The following FAAH variants were observed in gnomAD, a reference collection of about 807,000 sequenced individuals.
FAAH encodes fatty-acid amide hydrolase 1.
A neutral mutation model predicts 69.7 loss-of-function variants in FAAH; 63 were observed. The observed-to-expected ratio is 0.90, with a 90% CI of 0.74 to 1.12. The LOEUF (loss-of-function observed/expected upper bound fraction) is 1.12. Among genes scored for constraint, FAAH ranks in the 50% most tolerant of loss-of-function variants. The probability of loss-of-function intolerance (pLI) is 0.00; values close to 1 mark genes in which losing one functional copy is unlikely to be tolerated. For synonymous variants in FAAH, 305 were observed against 324.2 expected (o/e 0.94, Z 0.64); for missense variants, 680 against 755.0 (o/e 0.90, Z 1.16).
intron 9 of FAAH, chr1:46,409,414 C>G (rs1263704039): frequency 3.6e-6 from 2 of 555,716 alleles, no homozygotes; most frequent in African/African-American, 3.9e-5. Flanking sequence ...GGTTGAGTAT[C>G]TGTGGCCTAC....
chr1:46,398,200 G>A (rs1353783978), intron 1 of FAAH, among the ~76,000 whole-genome samples: 1 of 152,214 alleles, frequency 6.6e-6, no homozygotes, highest in African/African-American at 2.4e-5. Context: ...TTCCCAAAGT[G>A]TTGGGATAAC....
rs1418600809 is a variant in FAAH, at chr1:46,412,199, G to A, written c.1413G>A (p.Leu471=). ...QWRALDLDVV[L]TPMLAPALDL... ...GGGCGCTGGACCTGGATGTGGTGCTGACCCCCATGCTGGCCCCTGCTCTGG... is the reference window on the plus strand; with the variant it reads ...GGGCGCTGGACCTGGATGTGGTGCTAACCCCCATGCTGGCCCCTGCTCTGG... Residue 471 remains leucine (L), a synonymous_variant, in exon 13 of 15, where the codon CTG becomes CTA. Transcript: ENST00000243167. The A allele has an allele frequency of 2.6e-6, 4 of 1,563,974 alleles. No homozygotes were observed. The East Asian group carries it at 7.2e-5, about 28-fold the overall frequency.
In FAAH at chr1:46,408,461, C is replaced by G. The variant is rs750300015; in HGVS notation, c.954C>G (p.Val318=). Residue 318 remains valine (V), a splice_region_variant and synonymous_variant, in exon 8 of 15, where the codon GTC becomes GTG. Coordinates refer to ENST00000243167, the MANE Select transcript of FAAH (RefSeq NM_001441.3). ...TGTCCCCTGTGTTTTCCCTCCAGGTCTACACCAGCTCTCAGCCCCTGCGTG... is the reference window on the plus strand; with the variant it reads ...TGTCCCCTGTGTTTTCCCTCCAGGTGTACACCAGCTCTCAGCCCCTGCGTG... ...TVPPLPFREE[V]YTSSQPLRVG... The G allele has an allele frequency of 6.2e-7, 1 of 1,614,162 alleles. No homozygotes were observed. The highest frequency in any genetic ancestry group is 8.5e-7 in the Non-Finnish European group (1 of 1,180,022).
chr1:46,408,661 A>T (rs1307890336), intron 8 of FAAH, 77 bp downstream of exon 8: 2 of 1,603,328 alleles, frequency 1.2e-6, no homozygotes, highest in Non-Finnish European at 1.7e-6. Flanking sequence ...TGGCTACTCC[A>T]TCCCTGGCAT....
intron 7 of FAAH, 26 bp downstream of exon 7, chr1:46,406,394 T>A: frequency 4.3e-6 from 7 of 1,613,492 alleles, no homozygotes; most frequent in Non-Finnish European, 5.1e-6. Context: ...TGGGCATGAA[T>A]GTGGACCGCT....
chr1:46,397,835 T>G (rs1326474777), intron 1 of FAAH, among the ~76,000 whole-genome samples: 1 of 152,068 alleles, frequency 6.6e-6, no homozygotes, highest in Non-Finnish European at 1.5e-5. Context: ...AGTGCTGGGA[T>G]TATAGGCATG....
chr1:46,399,065 C>A (rs1664651724), intron 1 of FAAH, among the ~76,000 whole-genome samples: 1 of 152,158 alleles, frequency 6.6e-6, no homozygotes, highest in African/African-American at 2.4e-5. Context: ...AATAGTATAG[C>A]TGGGAGAGAC....
In FAAH at chr1:46,409,305, A is replaced by C. The variant is rs568381079; in HGVS notation, c.1175+107A>C. On this transcript the variant is annotated intron_variant, in intron 9 of 14. Coordinates refer to ENST00000243167, the MANE Select transcript of FAAH (RefSeq NM_001441.3). ...TGGATGGGCCTTAGCTGAATCCAAC[A>C]AAGGCCTGAGCACTCTGGGCAGGGA... 3.8e-4 allele frequency: 334 copies of C among 880,836 alleles called. 3 individuals are homozygous for C. The African/African-American group carries it at 4.7e-3, about 12-fold the overall frequency. The allele number at this position is 880,836 out of a possible 1,614,324, so 54.6% of individuals were successfully genotyped here. A position where few individuals can be genotyped will look rare whatever the true frequency, so the allele number is the denominator to read the frequency against.
At chr1:46,409,941 C>T (rs45576239) in intron 9 of FAAH, 51 of 184,930 alleles carry the variant, frequency 2.8e-4, no homozygotes, top group South Asian at 1.7e-3. Context: ...AGGGGTCACT[C>T]CTCACTCTGG....
Position 46,411,603 on chromosome 1 carries a change from T to C in FAAH, c.1317-9T>C. On this transcript the variant is annotated splice_polypyrimidine_tract_variant and intron_variant, in intron 11 of 14. Transcript: ENST00000243167. The surrounding 1 kb of genome is among the most constrained non-coding windows in gnomAD (Gnocchi z 4.8). ...CATCATGGCTGGTGACCACACTCCT[T>C]CTGCCCAGTTCGGCTGGAAAACTCT... 6.2e-7 allele frequency: 1 copy of C among 1,613,958 alleles called. No individual in the cohort carries two copies. Among genetic ancestry groups the C allele is most frequent in the South Asian group, 1.1e-5 (1 of 91,030 alleles).
chr1:46,412,442 A>C (rs1664934465), intron 13 of FAAH, among the ~76,000 whole-genome samples, 191 bp downstream of exon 13: 2 of 152,164 alleles, frequency 1.3e-5, no homozygotes, highest in African/African-American at 4.8e-5. Context: ...AGCACTATTC[A>C]AGTTGGGGAT....
At chr1:46,399,144 T>C (rs1162330076) in intron 1 of FAAH, among the ~76,000 whole-genome samples, 1 of 152,220 alleles carries the variant, frequency 6.6e-6, no homozygotes, top group Non-Finnish European at 1.5e-5. Context: ...GAATGGTTTT[T>C]CCTACATCTC....
chr1:46,407,482 G>T (rs1664820174), intron 7 of FAAH, among the ~76,000 whole-genome samples: 1 of 152,132 alleles, frequency 6.6e-6, no homozygotes, highest in Admixed American at 6.5e-5. Context: ...TTATTTGGAG[G>T]AGGTGGGGGA....
rs1664909627 is a variant in FAAH at position 46,411,333 on chromosome 1, C to T, written c.1317-279C>T. ...CCTTACCACCAGGCTTCAGGACTGG[C>T]AGCAGCTATGGCCTCTCCCGTGTCC... On this transcript the variant is annotated intron_variant, in intron 11 of 14. Coordinates refer to ENST00000243167, the MANE Select transcript of FAAH (RefSeq NM_001441.3). The surrounding 1 kb of genome is among the most constrained non-coding windows in gnomAD (Gnocchi z 4.8). 6.6e-6 allele frequency among the ~76,000 whole-genome samples: 1 copy of T among 152,224 alleles called. No homozygotes were observed. The highest frequency in any genetic ancestry group is 2.4e-5 in the African/African-American group (1 of 41,456).
In FAAH at chr1:46,406,022, T is replaced by TA. The variant is rs749352378; in HGVS notation, c.786-15dup. 259 of 1,614,148 alleles carry TA rather than the reference T, an allele frequency of 1.6e-4. 3 individuals are homozygous for TA. The South Asian group carries it at 2.6e-3, about 16-fold the overall frequency. On this transcript the variant is annotated splice_polypyrimidine_tract_variant and intron_variant, in intron 5 of 14. Coordinates refer to ENST00000243167, the MANE Select transcript of FAAH (RefSeq NM_001441.3). ...TGGCCATTTCCTGTTTCCAGCATCTTATGTTTCTTATCCAGCAAGAGTGGC... is the reference window on the plus strand; with the variant it reads ...TGGCCATTTCCTGTTTCCAGCATCTTAATGTTTCTTATCCAGCAAGAGTGGC...
At position 46,410,979 on chromosome 1, in the gene FAAH, G is replaced by A. The variant is rs1357337467; in HGVS notation, c.1316+125G>A. 1 of 1,181,970 alleles carries A rather than the reference G, an allele frequency of 8.5e-7. No homozygotes were observed. The highest frequency in any genetic ancestry group is 1.3e-6 in the Non-Finnish European group (1 of 798,562). 73.2% of individuals were successfully genotyped at this position (1,181,970 alleles called of 1,614,324 possible). On this transcript the variant is annotated intron_variant, in intron 11 of 14. Coordinates refer to ENST00000243167, the MANE Select transcript of FAAH (RefSeq NM_001441.3). The surrounding 1 kb of genome is among the most constrained non-coding windows in gnomAD (Gnocchi z 4.9). ...TCTGAGGCTGGAAGTGGCCCAGGCAGGGGGGCAACCTTTGTGGCCTTCAGA... is the reference window on the plus strand; with the variant it reads ...TCTGAGGCTGGAAGTGGCCCAGGCAAGGGGGCAACCTTTGTGGCCTTCAGA...
At chr1:46,406,818 G>C (rs1664808094) in intron 7 of FAAH, among the ~76,000 whole-genome samples, 1 of 151,758 alleles carries the variant, frequency 6.6e-6, no homozygotes, top group South Asian at 2.1e-4. Flanking sequence ...GTGTTATCCA[G>C]GATGGTCTGG....
intron 1 of FAAH, among the ~76,000 whole-genome samples, chr1:46,401,240 C>T (rs1223819779): frequency 6.6e-6 from 1 of 151,640 alleles, no homozygotes; most frequent in East Asian, 1.9e-4. Context: ...CTCCCAGAAT[C>T]AGAGAGGGAA....
intron 13 of FAAH, 26 bp downstream of exon 13, chr1:46,412,277 C>T: frequency 5.9e-6 from 9 of 1,531,538 alleles, no homozygotes; most frequent in Non-Finnish European, 7.1e-6. Flanking sequence ...CTGCCTGTCC[C>T]TTCTGTGAAT....
Sources: gnomAD v4.1 joint callset for allele counts (sites outside exome capture counted in the v4.1 genomes callset) on GRCh38, gnomAD v4.1.1 for gene constraint, Gnocchi (gnomAD v3.1) non-coding constraint, MANE v1.5 for transcripts, NCBI Gene and HGNC (gene_info 2026-07-23, HGNC 2026-07-21) for gene names.